NRL: variants seen among roughly 807,000 people sequenced by gnomAD.
NRL encodes the protein neural retina-specific leucine zipper protein.
In NRL, 16 loss-of-function variants were observed where a neutral mutation model predicts 12.5. That is an observed-to-expected ratio of 1.28 (90% CI 0.87 to 1.95). NRL has a LOEUF of 1.95. Ranked by LOEUF, NRL falls within the 30% of genes most tolerant of loss-of-function variation. The pLI is 0.00. For synonymous variants in NRL, 142 were observed against 150.9 expected (o/e 0.94, Z 0.43); for missense variants, 314 against 325.8 (o/e 0.96, Z 0.28).
At chr14:24,102,996 C>T in intron 1 of NRL, 1 of 1,331,490 alleles carries the variant, frequency 7.5e-7, no homozygotes, top group Non-Finnish European at 1.1e-6. Flanking sequence ...TCACCTTTCT[C>T]CAGAGTTCTC....
At chr14:24,098,203 C>G in intron 1 of NRL, 1 of 1,591,868 alleles carries the variant, frequency 6.3e-7, no homozygotes, top group East Asian at 2.2e-5. Flanking sequence ...TCTCCCCCAG[C>G]TGGCTGGCCC....
At chr14:24,084,853 C>T (rs1370927241) in intron 1 of NRL, 1 of 344,974 alleles carries the variant, frequency 2.9e-6, no homozygotes, top group Non-Finnish European at 4.1e-6. Flanking sequence ...ATCCGACTCC[C>T]AAGTGCTCAG....
chr14:24,087,674 A>G (rs529952509), intron 1 of NRL, among the ~76,000 whole-genome samples: 24 of 152,316 alleles, frequency 1.6e-4, no homozygotes, highest in African/African-American at 5.1e-4. Context: ...TTAAACACCT[A>G]TTCTGCACCA....
intron 1 of NRL, among the ~76,000 whole-genome samples, chr14:24,109,697 C>CA (rs1227097594): frequency 0.013 from 868 of 65,950 alleles, 12 homozygotes; most frequent in African/African-American, 0.039. Flanking sequence ...GACTCCATCT[C>CA]AAAAAAAAAA....
chr14:24,103,948 G>C (rs145739132), intron 1 of NRL: 2 of 1,613,652 alleles, frequency 1.2e-6, no homozygotes, highest in Admixed American at 3.3e-5. Context: ...CTGGAGAGAC[G>C]TGTGCACAAA....
intron 1 of NRL, chr14:24,102,690 G>A (rs1461569211): frequency 7.3e-7 from 1 of 1,379,216 alleles, no homozygotes; most frequent in African/African-American, 1.4e-5. Context: ...GTGTGCCCAT[G>A]TATGTGTGTG....
At chr14:24,097,152 C>T in intron 1 of NRL, 4 of 1,611,946 alleles carry the variant, frequency 2.5e-6, no homozygotes, top group Non-Finnish European at 3.4e-6. Flanking sequence ...GCCTTGGGCT[C>T]CACAACCTGC....
intron 1 of NRL, among the ~76,000 whole-genome samples, chr14:24,105,128 C>T (rs1010407543): frequency 3.3e-5 from 5 of 152,208 alleles, no homozygotes; most frequent in East Asian, 1.9e-4. Context: ...GTATTCCTTA[C>T]GGGAAACAAA....
chr14:24,090,397 A>G (rs1016184372), intron 1 of NRL, among the ~76,000 whole-genome samples: 7 of 152,042 alleles, frequency 4.6e-5, no homozygotes, highest in Non-Finnish European at 8.8e-5. Context: ...ATGGACCTTC[A>G]GAGTTGTCCC....
rs950008447 is a variant in NRL at position 24,085,294 on chromosome 14, G to A, written c.-27-2419C>T. Among the ~76,000 whole-genome samples the A allele has an allele frequency of 3.3e-5, 5 of 152,170 alleles. No homozygotes were observed. The highest frequency in any genetic ancestry group is 1.2e-4 in the African/African-American group (5 of 41,426). Reference sequence around the variant, plus strand: ...AGGGAACTCTGTTCCTTCCTTCTGGGCCTCAAGGGACATTGAAATCTAATC... The same window carrying A: ...AGGGAACTCTGTTCCTTCCTTCTGGACCTCAAGGGACATTGAAATCTAATC... On this transcript the variant is annotated intron_variant, in intron 1 of 2. Coordinates refer to ENST00000561028, the MANE Select transcript of NRL (RefSeq NM_001354768.3). The surrounding 1 kb of genome is among the most constrained non-coding windows in gnomAD (Gnocchi z 4.1).
At chr14:24,084,458 G>GT (rs1381740031) in intron 1 of NRL, 1 of 709,498 alleles carries the variant, frequency 1.4e-6, no homozygotes, top group Non-Finnish European at 1.7e-6. Flanking sequence ...CAGAGAGCAG[G>GT]TGTTAAAGAG....
At chr14:24,108,844 T>A (rs763361321) in intron 1 of NRL, among the ~76,000 whole-genome samples, 3 of 152,130 alleles carry the variant, frequency 2.0e-5, no homozygotes, top group Non-Finnish European at 4.4e-5. Flanking sequence ...TTCAAACACA[T>A]GTATGAGCAT....
chr14:24,103,653 G>A lies in NRL; in HGVS notation c.-28+11069C>T, dbSNP rs1391686524. ...CTTCCATGTCAACTGGTTCCGGCGT[G>A]ACGAGGCAGGGCACTTCCTGTGGCC... On this transcript the variant is annotated intron_variant, in intron 1 of 2. Coordinates refer to ENST00000561028, the MANE Select transcript of NRL (RefSeq NM_001354768.3). 2.5e-6 allele frequency: 4 copies of A among 1,614,112 alleles called. No individual in the cohort carries two copies. The highest frequency in any genetic ancestry group is 3.4e-6 in the Non-Finnish European group (4 of 1,180,034).
intron 1 of NRL, chr14:24,103,454 C>T: frequency 7.0e-7 from 1 of 1,421,596 alleles, no homozygotes; most frequent in Non-Finnish European, 9.6e-7. Flanking sequence ...ATGCAGGGTG[C>T]CCTTCCCTAC....
rs2036244657 is a variant in NRL, at chr14:24,080,412, G to A, written c.*824C>T. ...GCTGGGAAACTGCAGCAGGATAGGA[G>A]GTGCCTTTGGCGAGATTGTCTTGGG... On this transcript the variant is annotated 3_prime_UTR_variant, in exon 3 of 3. Coordinates refer to ENST00000561028, the MANE Select transcript of NRL (RefSeq NM_001354768.3). 4 of 152,472 alleles carry A rather than the reference G, an allele frequency of 2.6e-5. No homozygotes were observed. The highest frequency in any genetic ancestry group is 9.6e-5 in the African/African-American group (4 of 41,468). 9.4% of individuals were successfully genotyped at this position (152,472 alleles called of 1,614,324 possible).
rs1355228783 is a variant in NRL, at chr14:24,078,964, A to G, written c.*2272T>C. ...TCCAGGTGCATGCCATTACATCTGA[A>G]TTTATTTTATTTTATTTTTTTGTAG... On this transcript the variant is annotated 3_prime_UTR_variant, in exon 3 of 3. Coordinates refer to ENST00000561028, the MANE Select transcript of NRL (RefSeq NM_001354768.3). Among the ~76,000 whole-genome samples the G allele has an allele frequency of 1.3e-5, 2 of 152,028 alleles. No individual in the cohort carries two copies. Among genetic ancestry groups the G allele is most frequent in the African/African-American group, 4.8e-5 (2 of 41,378 alleles).
At chr14:24,100,187 C>T (rs2037103092) in intron 1 of NRL, 12 of 1,614,060 alleles carry the variant, frequency 7.4e-6, no homozygotes, top group Non-Finnish European at 9.3e-6. Context: ...ACTGTGACCT[C>T]CTGGCTGGGC....
chr14:24,103,916 G>A (rs2037277446), intron 1 of NRL: 2 of 1,614,122 alleles, frequency 1.2e-6, no homozygotes, highest in Non-Finnish European at 8.5e-7. Flanking sequence ...TGCCCAAAGA[G>A]GTGTTGGCTG....
chr14:24,093,874 G>C (rs769178846), intron 1 of NRL, among the ~76,000 whole-genome samples: 2 of 152,168 alleles, frequency 1.3e-5, no homozygotes, highest in Non-Finnish European at 2.9e-5. Context: ...AAAGGCCCAG[G>C]ACTCAGGGTG....
Sources: gnomAD v4.1 joint callset for allele counts (sites outside exome capture counted in the v4.1 genomes callset) on GRCh38, gnomAD v4.1.1 for gene constraint, Gnocchi (gnomAD v3.1) non-coding constraint, MANE v1.5 for transcripts, NCBI Gene and HGNC (gene_info 2026-07-23, HGNC 2026-07-21) for gene names.